TNRC6C: variants seen among roughly 807,000 people sequenced by gnomAD.
The protein encoded by TNRC6C is trinucleotide repeat containing adaptor 6C.
TNRC6C carries 20 observed loss-of-function variants against 153.7 expected under a neutral mutation model. That is an observed-to-expected ratio of 0.13 (90% CI 0.09 to 0.19). TNRC6C has a LOEUF of 0.19. Among genes scored for constraint, TNRC6C ranks in the 10% least tolerant of loss-of-function variants. The probability of loss-of-function intolerance (pLI) is 1.00; values close to 1 mark genes in which losing one functional copy is unlikely to be tolerated. For synonymous variants in TNRC6C, 811 were observed against 841.4 expected, an observed-to-expected ratio of 0.96 and a Z score of 0.63; for missense variants, 1,987 against 2,172.0, an observed-to-expected ratio of 0.91 and a Z score of 1.69.
chr17:78,019,808 G>A (rs1478315370), intron 1 of TNRC6C, among the ~76,000 whole-genome samples: 2 of 152,212 alleles, frequency 1.3e-5, no homozygotes, highest in Admixed American at 6.5e-5. Context: ...AGGTTCCCAT[G>A]TGAGTCCTTA....
At chr17:78,000,425 A>G (rs943569327), upstream of TNRC6C, among the ~76,000 whole-genome samples, 1 of 152,214 alleles carries the variant, frequency 6.6e-6, no homozygotes, top group Non-Finnish European at 1.5e-5. Context: ...CATGTTGAAT[A>G]AATTAAGACC....
intron 1 of TNRC6C, among the ~76,000 whole-genome samples, chr17:77,986,299 C>G (rs147317193): frequency 7.9e-5 from 12 of 151,960 alleles, no homozygotes; most frequent in South Asian, 2.1e-4. Context: ...CCTGTAATCC[C>G]AGCCATTTGG....
intron 1 of TNRC6C, among the ~76,000 whole-genome samples, chr17:77,986,618 T>G (rs2071173309): frequency 6.6e-6 from 1 of 152,178 alleles, no homozygotes; most frequent in South Asian, 2.1e-4. Flanking sequence ...GATAAAAGAA[T>G]AAATACTTTA....
chr17:78,036,537 A>G (rs1410422384), intron 2 of TNRC6C, among the ~76,000 whole-genome samples: 3 of 152,222 alleles, frequency 2.0e-5, no homozygotes, highest in Non-Finnish European at 4.4e-5. Flanking sequence ...AAGAGTTAAA[A>G]GTGGAATTTG....
At chr17:78,052,359 A>G (rs1474258449) in intron 3 of TNRC6C, among the ~76,000 whole-genome samples, 1 of 152,292 alleles carries the variant, frequency 6.6e-6, no homozygotes, top group African/African-American at 2.4e-5. Flanking sequence ...AGATCACCAT[A>G]CACAGTGAAT....
intron 1 of TNRC6C, among the ~76,000 whole-genome samples, chr17:77,988,970 TTAA>T (rs2071211701): frequency 6.6e-6 from 1 of 152,256 alleles, no homozygotes. Context: ...TAGTACACTC[TTAA>T]TAAGTATGTA....
chr17:78,081,203 C>T (rs1476399877), intron 10 of TNRC6C, among the ~76,000 whole-genome samples: 2 of 151,708 alleles, frequency 1.3e-5, no homozygotes, highest in Non-Finnish European at 2.9e-5. Flanking sequence ...ATGGGGGCTC[C>T]TGATCACCTC....
intron 1 of TNRC6C, among the ~76,000 whole-genome samples, chr17:77,974,263 A>G (rs1712965889): frequency 6.6e-6 from 1 of 152,198 alleles, no homozygotes; most frequent in South Asian, 2.1e-4. Flanking sequence ...TACACATGTC[A>G]CCAAAAAAGA....
chr17:78,051,661 T>C (rs1047850377), intron 3 of TNRC6C, among the ~76,000 whole-genome samples: 2 of 151,750 alleles, frequency 1.3e-5, no homozygotes, highest in Non-Finnish European at 2.9e-5. Flanking sequence ...AAGAAAAAAA[T>C]ATATTAAGCA....
At chr17:77,976,736 C>CT (rs2071002959) in intron 1 of TNRC6C, among the ~76,000 whole-genome samples, 1 of 151,942 alleles carries the variant, frequency 6.6e-6, no homozygotes, top group African/African-American at 2.4e-5. Flanking sequence ...AGAGATCAGC[C>CT]TAACCAATAT....
chr17:78,039,829 G>A (rs1343258814), intron 2 of TNRC6C, among the ~76,000 whole-genome samples: 1 of 152,254 alleles, frequency 6.6e-6, no homozygotes, highest in East Asian at 1.9e-4. Flanking sequence ...GCTGTCAAAG[G>A]GCTGTCCTGA....
At chr17:78,005,572 G>A (rs757074326) in intron 1 of TNRC6C, among the ~76,000 whole-genome samples, 3 of 152,154 alleles carry the variant, frequency 2.0e-5, no homozygotes, top group Admixed American at 6.5e-5. Context: ...GGAAACACAC[G>A]CATTTCTCAC....
intron 5 of TNRC6C, among the ~76,000 whole-genome samples, 179 bp from the exon 8 acceptor site, chr17:78,070,906 C>T (rs1189240076): frequency 1.3e-5 from 2 of 152,126 alleles, no homozygotes; most frequent in Non-Finnish European, 2.9e-5. Context: ...TTGATGCTTT[C>T]CGTAGCAGTA....
At chr17:78,068,049 A>G in intron 5 of TNRC6C, 126 bp downstream of exon 7, 2 of 1,130,154 alleles carry the variant, frequency 1.8e-6, no homozygotes. Flanking sequence ...GGACCCTTGG[A>G]GGTCCCAGAG....
chr17:77,958,591 T>C (rs1417057997), upstream of TNRC6C, among the ~76,000 whole-genome samples: 1 of 149,956 alleles, frequency 6.7e-6, no homozygotes, highest in African/African-American at 2.5e-5. Context: ...GCAGATACGG[T>C]GGGAGTCACG....
At chr17:78,078,586 A>G (rs762591431) in intron 9 of TNRC6C, among the ~76,000 whole-genome samples, 1 of 152,126 alleles carries the variant, frequency 6.6e-6, no homozygotes, top group East Asian at 1.9e-4. Flanking sequence ...AACCATATTC[A>G]TGTTGCTGTT....
rs150410384 is a variant in TNRC6C, at chr17:78,079,936, C to A, written c.3357+395C>A. Among the ~76,000 whole-genome samples, 1 of 152,256 alleles carries A rather than the reference C, an allele frequency of 6.6e-6. No homozygotes were observed. Among genetic ancestry groups the A allele is most frequent in the Admixed American group, 6.5e-5 (1 of 15,296 alleles). On this transcript the variant is annotated intron_variant, in intron 10 of 19. Transcript: ENST00000301624. This position sits in a 1 kb window ranked among gnomAD's most constrained non-coding sequence, Gnocchi z 4.3. Reference sequence around the variant, plus strand: ...AGATTGGTGGGAGAGGAAAGTGACACGCTGTAGTATTGCTGAGGATGTAAA... The same window carrying A: ...AGATTGGTGGGAGAGGAAAGTGACAAGCTGTAGTATTGCTGAGGATGTAAA...
At chr17:78,039,313 C>A (rs1488943565) in intron 2 of TNRC6C, among the ~76,000 whole-genome samples, 17 of 146,652 alleles carry the variant, frequency 1.2e-4, no homozygotes, top group African/African-American at 2.9e-4. Context: ...AATCTTGCCC[C>A]CCCCCCCCAC....
intron 11 of TNRC6C, 102 bp from the exon 14 acceptor site, chr17:78,086,401 A>T: frequency 4.8e-6 from 3 of 629,308 alleles, no homozygotes; most frequent in East Asian, 4.9e-5. Context: ...AAGAGTGGCT[A>T]GGTTCTCTTT....
Sources: gnomAD v4.1 joint callset for allele counts (sites outside exome capture counted in the v4.1 genomes callset) on GRCh38, gnomAD v4.1.1 for gene constraint, Gnocchi (gnomAD v3.1) non-coding constraint, MANE v1.5 for transcripts, NCBI Gene and HGNC (gene_info 2026-07-23, HGNC 2026-07-21) for gene names.